Variants in CFAP92 observed in about 807,000 individuals in gnomAD.
CFAP92 encodes uncharacterized protein CFAP92.
In CFAP92, 86 loss-of-function variants were observed where a neutral mutation model predicts 106.3. That is an observed-to-expected ratio of 0.81 (90% CI 0.68 to 0.97). The LOEUF is 0.97. Ranked by LOEUF, CFAP92 falls within the 50% of genes least tolerant of loss-of-function variation. The pLI is 0.00. For synonymous variants in CFAP92, 477 were observed against 506.4 expected (o/e 0.94, Z 0.78); for missense variants, 1,204 against 1,283.8 (o/e 0.94, Z 0.95).
At chr3:129,022,021 G>A in the CFAP92 span, among the ~76,000 whole-genome samples, 1 of 152,198 alleles carries the variant, frequency 6.6e-6, no homozygotes, top group Non-Finnish European at 1.5e-5. Flanking sequence ...GAGGTGGCCG[G>A]GGCAGGCGCA....
Position 128,935,292 on chromosome 3 carries a change from G to T in CFAP92, c.2286C>A (p.Tyr762Ter). ...SWIPRSEHRK[Y>*]KVLYNSQLLF... ...GCAGCTGTGAGTTGTACAGCACCTT[G>T]TATTTCCTGTGTTCTGACCTGGGAA... Residue 762 changes from tyrosine to a stop codon, truncating the protein, a stop_gained, in exon 11 of 16, where the codon TAC becomes TAA. Coordinates refer to ENST00000645291, the MANE Select transcript of CFAP92 (RefSeq NM_001394090.1). LOFTEE classifies it high-confidence loss of function. The T allele has an allele frequency of 6.5e-7, 1 of 1,528,016 alleles. No homozygotes were observed. The highest frequency in any genetic ancestry group is 1.2e-5 in the South Asian group (1 of 83,306). The allele number at this position is 1,528,016 out of a possible 1,614,324, so 94.7% of individuals were successfully genotyped here. A position where few individuals can be genotyped will look rare whatever the true frequency, so the allele number is the denominator to read the frequency against.
intron 12 of CFAP92, among the ~76,000 whole-genome samples, chr3:128,923,533 G>C (rs1937475589): frequency 6.6e-6 from 1 of 152,192 alleles, no homozygotes; most frequent in African/African-American, 2.4e-5. Flanking sequence ...GCAGAAGATG[G>C]ACCTTCATCC....
chr3:128,943,429 G>A (rs567062906), intron 10 of CFAP92, among the ~76,000 whole-genome samples: 1 of 152,144 alleles, frequency 6.6e-6, no homozygotes, highest in Non-Finnish European at 1.5e-5. Context: ...TTGCCGGTTC[G>A]GGACATTTCA....
At chr3:128,916,816 G>C (rs765244957) in intron 12 of CFAP92, among the ~76,000 whole-genome samples, 1 of 152,234 alleles carries the variant, frequency 6.6e-6, no homozygotes, top group Non-Finnish European at 1.5e-5. Context: ...AACACAGAAG[G>C]CTGGGGGGAA....
chr3:129,015,102 C>T, the CFAP92 span, among the ~76,000 whole-genome samples: 11,555 of 152,224 alleles, frequency 0.076, 1,261 homozygotes, highest in African/African-American at 0.23. Context: ...ACCTCGGGCT[C>T]GCCCACTCAC....
chr3:128,910,639 C>T lies in CFAP92; in HGVS notation c.3281-306G>A, dbSNP rs1936183656. 7 of 1,288,288 alleles carry T rather than the reference C, an allele frequency of 5.4e-6. No homozygotes were observed. In the South Asian group the frequency reaches 8.3e-5, roughly 15 times the overall value. The allele number at this position is 1,288,288 out of a possible 1,614,324, so 79.8% of individuals were successfully genotyped here. ...TGACTCCTGTGCCAGGCCTTGTGAC[C>T]CCTGCCATGCTACCCAGTTTGGCTG... On this transcript the variant is annotated intron_variant, in intron 15 of 15. Transcript: ENST00000645291.
chr3:129,020,454 T>C, the CFAP92 span, among the ~76,000 whole-genome samples: 1 of 151,998 alleles, frequency 6.6e-6, no homozygotes. Flanking sequence ...CTGGGCAACA[T>C]AGTGAGACTC....
Position 128,993,121 on chromosome 3 carries a change from C to G in CFAP92, c.184G>C (p.Ala62Pro), listed in dbSNP as rs1423218812. The G allele has an allele frequency of 6.2e-7, 1 of 1,613,976 alleles. No homozygotes were observed. The highest frequency in any genetic ancestry group is 1.3e-5 in the African/African-American group (1 of 74,948). The change falls in exon 2 of 16, where the codon GCC (alanine) becomes CCC (proline). Residue 62 changes from alanine (A) to proline (P), a missense_variant. Transcript: ENST00000645291. Reference sequence around the variant, plus strand: ...GGCACGTCGGAGCTGAAAGTGCTGGCAGGCTCAGATGAGGACTCGATGCTG... The same window carrying G: ...GGCACGTCGGAGCTGAAAGTGCTGGGAGGCTCAGATGAGGACTCGATGCTG... ...CSSIESSSEP[A>P]STFSSDVPHV... is the part of the protein sequence containing the mutation.
intron 7 of CFAP92, among the ~76,000 whole-genome samples, chr3:128,973,369 G>A (rs572873210): frequency 6.6e-5 from 10 of 152,094 alleles, no homozygotes; most frequent in African/African-American, 1.2e-4. Context: ...AACAGATGCC[G>A]CCTGAGGCCG....
intron 9 of CFAP92, among the ~76,000 whole-genome samples, chr3:128,961,686 A>G (rs931242472): frequency 2.0e-5 from 3 of 152,214 alleles, no homozygotes; most frequent in African/African-American, 7.2e-5. Flanking sequence ...GAGACGCTTT[A>G]CAGCCCTAGA....
chr3:129,006,248 G>C (rs553976568), upstream of CFAP92, among the ~76,000 whole-genome samples: 1 of 152,166 alleles, frequency 6.6e-6, no homozygotes, highest in Non-Finnish European at 1.5e-5. Flanking sequence ...TCTGCTGATC[G>C]GGCATAAGAA....
In CFAP92 at chr3:128,910,152, GAGCCC is replaced by G. The variant is rs781465491; in HGVS notation, c.*142_*146del. 31 of 1,613,916 alleles carry G rather than the reference GAGCCC, an allele frequency of 1.9e-5. No individual in the cohort carries two copies. The Middle Eastern group carries it at 2.6e-3, about 137-fold the overall frequency. The stretch of plus-strand genomic sequence containing the variant: ...GGCTCCGCAACCACGACCACGAGGT[GAGCCC>G]AGCCCAGCCTCACACAGGGCCTGGC... On this transcript the variant is annotated 3_prime_UTR_variant, in exon 16 of 16. Transcript: ENST00000645291.
intron 8 of CFAP92, chr3:128,970,428 C>T (rs1188642341): frequency 1.3e-5 from 2 of 151,748 alleles, no homozygotes; most frequent in East Asian, 3.9e-4. Flanking sequence ...CCAACGCACG[C>T]GCTTCTGCAG....
At chr3:129,004,108 T>G, upstream of CFAP92, 1 of 1,460,314 alleles carries the variant, frequency 6.8e-7, no homozygotes, top group Non-Finnish European at 9.0e-7. Context: ...TGGGCCCAAG[T>G]TCCCCAATTC....
At chr3:128,963,077 A>G (rs1379117859) in intron 9 of CFAP92, among the ~76,000 whole-genome samples, 2 of 152,200 alleles carry the variant, frequency 1.3e-5, no homozygotes, top group Non-Finnish European at 2.9e-5. Context: ...GGCTTCACAG[A>G]CAGCCCCCAT....
the CFAP92 span, among the ~76,000 whole-genome samples, chr3:129,021,498 C>T: frequency 3.9e-5 from 6 of 152,212 alleles, no homozygotes; most frequent in East Asian, 1.9e-4. Flanking sequence ...CGCTTGAACC[C>T]GGGAGGCGGA....
intron 8 of CFAP92, chr3:128,966,482 G>A (rs2107770611): frequency 6.6e-6 from 1 of 152,300 alleles, no homozygotes. Context: ...GGGTGGTTTT[G>A]CACTAGTGCG....
At chr3:128,910,360 G>A in intron 15 of CFAP92, 27 bp from the exon 16 acceptor site, 1 of 1,464,588 alleles carries the variant, frequency 6.8e-7, no homozygotes, top group South Asian at 1.4e-5. Context: ...TGAGTGACAG[G>A]GGTTCCTGAT....
chr3:128,968,581 CT>C (rs895344449), intron 8 of CFAP92: 31 of 93,428 alleles, frequency 3.3e-4, no homozygotes, highest in Middle Eastern at 4.8e-3. Context: ...CCTGCACCCC[CT>C]GGGTCCCACT....
Sources: allele counts gnomAD v4.1 joint callset (sites outside exome capture counted in the v4.1 genomes callset), GRCh38; gene constraint gnomAD v4.1.1; transcripts MANE v1.5; gene names NCBI Gene and HGNC (gene_info 2026-07-23, HGNC 2026-07-21).